The following PCDH9 variants were observed in gnomAD, a reference collection of about 807,000 sequenced individuals.
The protein encoded by PCDH9 is protocadherin-9.
In PCDH9, 24 loss-of-function variants were observed where a neutral mutation model predicts 70.6. The observed-to-expected ratio is 0.34, with a 90% CI of 0.25 to 0.48. The LOEUF (loss-of-function observed/expected upper bound fraction) is 0.48. PCDH9 is among the 20% of genes least tolerant of loss of function. PCDH9 has a pLI of 0.99. For synonymous variants in PCDH9, 562 were observed against 558.5 expected, an observed-to-expected ratio of 1.01 and a Z score of -0.09; for missense variants, 1,281 against 1,503.6, an observed-to-expected ratio of 0.85 and a Z score of 2.45.
intron 3 of PCDH9, among the ~76,000 whole-genome samples, chr13:66,839,859 G>GA (rs2081086234): frequency 6.6e-6 from 1 of 152,010 alleles, no homozygotes; most frequent in Non-Finnish European, 1.5e-5. Flanking sequence ...CTGGGGTTCT[G>GA]AAAAAAACTG....
At chr13:67,219,821 T>C (rs1019415161) in intron 2 of PCDH9, 4 of 152,040 alleles carry the variant, frequency 2.6e-5, no homozygotes, top group African/African-American at 9.7e-5. Context: ...TTAAATGATT[T>C]ACTAATATTA....
At chr13:66,869,262 T>C (rs912883370) in intron 3 of PCDH9, among the ~76,000 whole-genome samples, 1 of 151,816 alleles carries the variant, frequency 6.6e-6, no homozygotes, top group African/African-American at 2.4e-5. Context: ...CAATGAAGAG[T>C]TTTAATAGTG....
chr13:66,787,206 T>C (rs924500590), intron 3 of PCDH9, among the ~76,000 whole-genome samples: 1 of 152,172 alleles, frequency 6.6e-6, no homozygotes. Flanking sequence ...ACACTACCTC[T>C]GATGCACAAA....
chr13:66,679,532 T>G (rs909397650), intron 3 of PCDH9, among the ~76,000 whole-genome samples: 1 of 151,926 alleles, frequency 6.6e-6, no homozygotes, highest in Non-Finnish European at 1.5e-5. Context: ...CTCATGTGTG[T>G]TTAATTTTTT....
intron 3 of PCDH9, among the ~76,000 whole-genome samples, chr13:66,716,427 A>T (rs2078866762): frequency 6.6e-6 from 1 of 152,082 alleles, no homozygotes; most frequent in Admixed American, 6.5e-5. Context: ...ATTTTGCTTG[A>T]TCATTCTCTT....
chr13:66,454,080 A>G lies in PCDH9; in HGVS notation c.3341-149052T>C, dbSNP rs76226227. Among the ~76,000 whole-genome samples the G allele has an allele frequency of 4.5e-3, 692 of 152,162 alleles. 29 individuals are homozygous for G. In the East Asian group the frequency reaches 0.089, roughly 20 times the overall value. Reference sequence around the variant, plus strand: ...TGTTCTTTCTTATAAGAATCATCACATAGTTTCTGTCCAAACCAAAATGTA... The same window carrying G: ...TGTTCTTTCTTATAAGAATCATCACGTAGTTTCTGTCCAAACCAAAATGTA... On this transcript the variant is annotated intron_variant, in intron 4 of 4. Transcript: ENST00000377865.
At chr13:66,797,509 T>C (rs1662162248) in intron 3 of PCDH9, among the ~76,000 whole-genome samples, 1 of 152,148 alleles carries the variant, frequency 6.6e-6, no homozygotes, top group South Asian at 2.1e-4. Context: ...TAACAAACTT[T>C]CTAAGTAAAC....
intron 2 of PCDH9, among the ~76,000 whole-genome samples, chr13:66,922,454 G>A (rs1231241796): frequency 6.6e-6 from 1 of 151,294 alleles, no homozygotes; most frequent in Non-Finnish European, 1.5e-5. Context: ...GCTAACTCAA[G>A]GAATGCTAAT....
At chr13:66,700,964 A>G (rs1385109697) in intron 3 of PCDH9, among the ~76,000 whole-genome samples, 1 of 114,992 alleles carries the variant, frequency 8.7e-6, no homozygotes, top group East Asian at 2.6e-4. Context: ...ATATATATAT[A>G]TATATACTTT....
intron 4 of PCDH9, among the ~76,000 whole-genome samples, chr13:66,310,032 T>G (rs1364825896): frequency 6.6e-6 from 1 of 152,036 alleles, no homozygotes; most frequent in Non-Finnish European, 1.5e-5. Flanking sequence ...CATAAATTTT[T>G]TAAACACTGA....
chr13:66,779,210 T>C (rs565024402), intron 3 of PCDH9, among the ~76,000 whole-genome samples: 1 of 152,130 alleles, frequency 6.6e-6, no homozygotes, highest in East Asian at 1.9e-4. Context: ...TCCATTCTCC[T>C]TGAGCAATAT....
chr13:67,193,344 CA>C lies in PCDH9; in HGVS notation c.3036+32060del, dbSNP rs2088971318. The stretch of plus-strand genomic sequence containing the variant: ...TACTGGAGATTAAAACACACACACA[CA>C]CACACACACACACACACACACAACA... On this transcript the variant is annotated intron_variant, in intron 2 of 4. Transcript: ENST00000377865. Among the ~76,000 whole-genome samples the C allele has an allele frequency of 7.3e-5, 11 of 151,448 alleles. No individual in the cohort carries two copies. In the South Asian group the frequency reaches 1.9e-3, roughly 26 times the overall value.
At chr13:67,215,113 G>A (rs2089571661) in intron 2 of PCDH9, 1 of 150,992 alleles carries the variant, frequency 6.6e-6, no homozygotes, top group Non-Finnish European at 1.5e-5. Context: ...GTCAGTTTTT[G>A]TTACTCCAAA....
intron 4 of PCDH9, among the ~76,000 whole-genome samples, chr13:66,402,595 A>G (rs1228199849): frequency 1.3e-5 from 2 of 152,164 alleles, no homozygotes; most frequent in Non-Finnish European, 2.9e-5. Flanking sequence ...GCCTTAATGG[A>G]TGCAGCAGAG....
intron 2 of PCDH9, among the ~76,000 whole-genome samples, chr13:66,938,561 T>C (rs942654104): frequency 1.3e-5 from 2 of 152,144 alleles, no homozygotes; most frequent in Non-Finnish European, 2.9e-5. Flanking sequence ...TATGTGATGG[T>C]TATTTAGAGT....
chr13:66,768,818 C>T (rs2079759349), intron 3 of PCDH9, among the ~76,000 whole-genome samples: 1 of 151,884 alleles, frequency 6.6e-6, no homozygotes, highest in African/African-American at 2.4e-5. Flanking sequence ...CCTTTTAGAG[C>T]TCATTTTATT....
intron 3 of PCDH9, among the ~76,000 whole-genome samples, chr13:66,866,262 C>T (rs1433156127): frequency 6.6e-6 from 1 of 152,006 alleles, no homozygotes; most frequent in Admixed American, 6.6e-5. Context: ...GTGGGCTGAT[C>T]ACGAGGTCAG....
At chr13:66,913,128 T>G (rs2082497170) in intron 2 of PCDH9, among the ~76,000 whole-genome samples, 1 of 152,108 alleles carries the variant, frequency 6.6e-6, no homozygotes. Context: ...GAATATTGTC[T>G]TTTCAAGGCA....
intron 2 of PCDH9, among the ~76,000 whole-genome samples, chr13:67,190,356 T>G (rs2088876980): frequency 6.6e-6 from 1 of 152,010 alleles, no homozygotes; most frequent in Non-Finnish European, 1.5e-5. Flanking sequence ...AATAAATGTA[T>G]GAATCATTGT....
Sources: gnomAD v4.1 joint callset for allele counts (sites outside exome capture counted in the v4.1 genomes callset) on GRCh38, gnomAD v4.1.1 for gene constraint, MANE v1.5 for transcripts, NCBI Gene and HGNC (gene_info 2026-07-23, HGNC 2026-07-21) for gene names.